Variants in ABCD3 observed in about 807,000 individuals in gnomAD.
ABCD3 encodes the protein ATP-binding cassette sub-family D member 3.
ABCD3 carries 41 observed loss-of-function variants against 105.5 expected under a neutral mutation model. The ratio of observed to expected loss-of-function variants is 0.39; its 90% CI spans 0.30 to 0.50. The LOEUF (loss-of-function observed/expected upper bound fraction) is 0.50. Ranked by LOEUF, ABCD3 falls within the 20% of genes least tolerant of loss-of-function variation. The pLI is 0.84. For synonymous variants in ABCD3, 258 were observed against 269.0 expected, an observed-to-expected ratio of 0.96 and a Z score of 0.40; for missense variants, 622 against 806.3, an observed-to-expected ratio of 0.77 and a Z score of 2.77.
chr1:94,424,136 A>G (rs761145955), intron 1 of ABCD3, among the ~76,000 whole-genome samples: 9 of 152,192 alleles, frequency 5.9e-5, no homozygotes, highest in Non-Finnish European at 1.2e-4. Flanking sequence ...TGTGTACTGA[A>G]CCCAACTGAG....
chr1:94,451,573 C>A (rs1647260626), intron 1 of ABCD3, among the ~76,000 whole-genome samples: 1 of 152,176 alleles, frequency 6.6e-6, no homozygotes, highest in African/African-American at 2.4e-5. Flanking sequence ...CACTGTATTT[C>A]CAAGTCATTG....
At chr1:94,473,651 G>T in intron 4 of ABCD3, 115 bp from the exon 5 acceptor site, 4 of 840,262 alleles carry the variant, frequency 4.8e-6, no homozygotes, top group South Asian at 1.5e-5. Context: ...CTTTTTTATT[G>T]ATTGTTTTGA....
intron 21 of ABCD3, 101 bp from the exon 22 acceptor site, chr1:94,515,025 ATTGACATTGCTTTTTAACTT>A: frequency 1.3e-6 from 1 of 779,206 alleles, no homozygotes; most frequent in Non-Finnish European, 2.2e-6. Flanking sequence ...ATTTTTTCTC[ATTGACATTGCTTTTTAACTT>A]TAGTCACTGA....
intron 16 of ABCD3, among the ~76,000 whole-genome samples, chr1:94,497,216 TTATTG>T (rs1292357977): frequency 6.6e-6 from 1 of 152,208 alleles, no homozygotes; most frequent in Non-Finnish European, 1.5e-5. Context: ...TGTATATTCT[TTATTG>T]TATGTCTCTT....
the ABCD3 span, among the ~76,000 whole-genome samples, chr1:94,411,058 A>G: frequency 6.6e-6 from 1 of 152,186 alleles, no homozygotes. Context: ...CATCTTCATG[A>G]TCCTGGATTT....
In ABCD3 at chr1:94,432,943, C is replaced by T. The variant is rs568097627; in HGVS notation, c.110+14355C>T. On this transcript the variant is annotated intron_variant, in intron 1 of 22. Coordinates refer to ENST00000370214, the MANE Select transcript of ABCD3 (RefSeq NM_002858.4). ...TATCTCGGCTCACTGCAACCTCTGC[C>T]TCCTGGGTTCAAGCAATTCTCCTGC... Among the ~76,000 whole-genome samples, 17 of 152,112 alleles carry T rather than the reference C, an allele frequency of 1.1e-4. No homozygotes were observed. The East Asian group carries it at 3.3e-3, about 29-fold the overall frequency.
At chr1:94,452,345 C>T (rs918385491) in intron 1 of ABCD3, among the ~76,000 whole-genome samples, 2 of 152,062 alleles carry the variant, frequency 1.3e-5, no homozygotes, top group African/African-American at 4.8e-5. Flanking sequence ...TGAGAGAGAG[C>T]GCAGTATTAG....
chr1:94,411,730 G>GCAAA, the ABCD3 span, among the ~76,000 whole-genome samples: 2 of 151,972 alleles, frequency 1.3e-5, no homozygotes, highest in Non-Finnish European at 2.9e-5. Context: ...TAACCAAAAG[G>GCAAA]TAGAAACAAC....
intron 1 of ABCD3, among the ~76,000 whole-genome samples, chr1:94,455,410 C>T (rs1481173965): frequency 6.6e-6 from 1 of 151,882 alleles, no homozygotes; most frequent in African/African-American, 2.4e-5. Context: ...ACCACAACCT[C>T]CGCCTCCTGG....
At chr1:94,496,623 A>T (rs183079114) in intron 16 of ABCD3, among the ~76,000 whole-genome samples, 30 of 146,244 alleles carry the variant, frequency 2.1e-4, no homozygotes, top group African/African-American at 7.4e-4. Context: ...CCCCTACCTG[A>T]TACATCTCTG....
chr1:94,456,449 T>G (rs574993234), intron 1 of ABCD3, among the ~76,000 whole-genome samples: 196 of 151,330 alleles, frequency 1.3e-3, no homozygotes, highest in African/African-American at 4.7e-3. Flanking sequence ...CTATTTTTTT[T>G]TTTATTTTAG....
intron 10 of ABCD3, among the ~76,000 whole-genome samples, chr1:94,486,223 C>T (rs1649273503): frequency 6.6e-6 from 1 of 152,086 alleles, no homozygotes; most frequent in African/African-American, 2.4e-5. Flanking sequence ...GGATGTCGTA[C>T]TCAGGTATAT....
intron 1 of ABCD3, among the ~76,000 whole-genome samples, chr1:94,451,216 A>T (rs1351176294): frequency 6.6e-6 from 1 of 152,140 alleles, no homozygotes; most frequent in Non-Finnish European, 1.5e-5. Flanking sequence ...GTTTTATAGG[A>T]TGACTCTGGA....
chr1:94,435,334 G>A (rs938365340), intron 1 of ABCD3, among the ~76,000 whole-genome samples: 3 of 152,096 alleles, frequency 2.0e-5, no homozygotes, highest in Non-Finnish European at 2.9e-5. Flanking sequence ...GAGCCCAGGA[G>A]TTTGAGACCA....
At chr1:94,492,304 A>T (rs1258907083) in intron 16 of ABCD3, among the ~76,000 whole-genome samples, 2 of 152,092 alleles carry the variant, frequency 1.3e-5, no homozygotes, top group African/African-American at 2.4e-5. Flanking sequence ...TAAAGAATAT[A>T]ATTATTGGAC....
At chr1:94,515,078 A>G in intron 21 of ABCD3, 68 bp from the exon 22 acceptor site, 1 of 1,238,570 alleles carries the variant, frequency 8.1e-7, no homozygotes, top group Non-Finnish European at 1.2e-6. Flanking sequence ...TAACAGCTTA[A>G]AGTACATGGA....
chr1:94,501,028 G>A lies in ABCD3; in HGVS notation c.1740+1414G>A, dbSNP rs187812003. 7.9e-5 allele frequency among the ~76,000 whole-genome samples: 12 copies of A among 152,212 alleles called. No homozygotes were observed. The South Asian group carries it at 1.2e-3, about 16-fold the overall frequency. ...AAGGATGTGGTTCAGAAATGGACACGACGGAAACTCAGAGAATGAATAATG... is the reference window on the plus strand; with the variant it reads ...AAGGATGTGGTTCAGAAATGGACACAACGGAAACTCAGAGAATGAATAATG... On this transcript the variant is annotated intron_variant, in intron 20 of 22. Coordinates refer to ENST00000370214, the MANE Select transcript of ABCD3 (RefSeq NM_002858.4).
At chr1:94,411,693 T>G in the ABCD3 span, among the ~76,000 whole-genome samples, 2 of 152,154 alleles carry the variant, frequency 1.3e-5, no homozygotes, top group African/African-American at 4.8e-5. Flanking sequence ...TACATGTACA[T>G]TCACGTTCAT....
At chr1:94,407,030 AAACAACAAC>A in the ABCD3 span, 3 of 151,948 alleles carry the variant, frequency 2.0e-5, no homozygotes, top group African/African-American at 4.8e-5. Context: ...ACCTTCATAA[AAACAACAAC>A]AACAACAACA....
Sources: allele counts gnomAD v4.1 joint callset (sites outside exome capture counted in the v4.1 genomes callset), GRCh38; gene constraint gnomAD v4.1.1; transcripts MANE v1.5; gene names NCBI Gene and HGNC (gene_info 2026-07-23, HGNC 2026-07-21).